Variants in PRKG1 observed in about 807,000 individuals in gnomAD.
PRKG1 encodes the protein cGMP-dependent protein kinase 1.
In PRKG1, 35 loss-of-function variants were observed where a neutral mutation model predicts 88.1. That is an observed-to-expected ratio of 0.40 (90% confidence interval 0.30 to 0.53). The LOEUF (loss-of-function observed/expected upper bound fraction) is 0.53. Ranked by LOEUF, PRKG1 falls within the 20% of genes least tolerant of loss-of-function variation. PRKG1 has a pLI of 0.59. For synonymous variants in PRKG1, 303 were observed against 292.5 expected, an observed-to-expected ratio of 1.04 and a Z score of -0.37; for missense variants, 540 against 839.8, an observed-to-expected ratio of 0.64 and a Z score of 4.41.
intron 1 of PRKG1, among the ~76,000 whole-genome samples, chr10:51,063,087 T>G (rs1394804304): frequency 6.6e-6 from 1 of 152,350 alleles, no homozygotes; most frequent in East Asian, 1.9e-4. Context: ...ATTTTTAACT[T>G]GAAACAAAAT....
intron 9 of PRKG1, among the ~76,000 whole-genome samples, chr10:52,241,106 A>AT (rs1336303448): frequency 2.0e-5 from 3 of 152,164 alleles, no homozygotes; most frequent in African/African-American, 7.2e-5. Flanking sequence ...TATTTCAAAC[A>AT]TCCAAGACGT....
At chr10:51,353,432 A>T (rs2132570437) in intron 2 of PRKG1, among the ~76,000 whole-genome samples, 1 of 152,266 alleles carries the variant, frequency 6.6e-6, no homozygotes, top group African/African-American at 2.4e-5. Flanking sequence ...ATATAGAATG[A>T]GCTCAAACAA....
chr10:51,870,288 G>A (rs1841122864), intron 4 of PRKG1, among the ~76,000 whole-genome samples: 1 of 152,088 alleles, frequency 6.6e-6, no homozygotes, highest in Non-Finnish European at 1.5e-5. Flanking sequence ...GATTTTCAAT[G>A]ATGATCAGGA....
chr10:52,080,205 C>T (rs1179549276), intron 7 of PRKG1, among the ~76,000 whole-genome samples: 1 of 152,156 alleles, frequency 6.6e-6, no homozygotes, highest in Non-Finnish European at 1.5e-5. Context: ...ATATAACATT[C>T]CTTTTGCCTC....
chr10:51,053,296 C>T (rs1358038867), intron 1 of PRKG1, among the ~76,000 whole-genome samples: 1 of 151,374 alleles, frequency 6.6e-6, no homozygotes, highest in Non-Finnish European at 1.5e-5. Context: ...TAATTCTAAG[C>T]ACTAATTACT....
chr10:51,220,098 T>G (rs1799454836), intron 2 of PRKG1, among the ~76,000 whole-genome samples: 1 of 152,166 alleles, frequency 6.6e-6, no homozygotes, highest in African/African-American at 2.4e-5. Flanking sequence ...AAGAAGGATT[T>G]GATGTGCTGT....
chr10:51,425,263 C>G (rs909883417), intron 2 of PRKG1, among the ~76,000 whole-genome samples: 6 of 152,280 alleles, frequency 3.9e-5, no homozygotes, highest in Admixed American at 3.3e-4. Context: ...ATTAATGTTT[C>G]TGATCATTAC....
intron 5 of PRKG1, among the ~76,000 whole-genome samples, chr10:52,030,165 T>A (rs2133208018): frequency 6.6e-6 from 1 of 152,320 alleles, no homozygotes; most frequent in Admixed American, 6.5e-5. Flanking sequence ...TACCATTTGC[T>A]GCCTAAATGG....
chr10:51,516,583 C>T (rs543164725), intron 3 of PRKG1, among the ~76,000 whole-genome samples: 4 of 152,056 alleles, frequency 2.6e-5, no homozygotes, highest in African/African-American at 9.7e-5. Context: ...TGCCTCCTGT[C>T]GCTATCACAG....
At chr10:51,970,544 A>G (rs1388939212) in intron 5 of PRKG1, among the ~76,000 whole-genome samples, 1 of 151,010 alleles carries the variant, frequency 6.6e-6, no homozygotes, top group Non-Finnish European at 1.5e-5. Context: ...CGTATGACTC[A>G]CTCAGCTTCA....
chr10:51,283,220 G>GA (rs149811387), intron 2 of PRKG1, among the ~76,000 whole-genome samples: 2,116 of 146,424 alleles, frequency 0.014, 90 homozygotes, highest in East Asian at 0.081. Context: ...AAACTATAAG[G>GA]AAAAAAAAAC....
chr10:51,266,941 A>G (rs1458836661), intron 2 of PRKG1, among the ~76,000 whole-genome samples: 1 of 152,162 alleles, frequency 6.6e-6, no homozygotes, highest in Non-Finnish European at 1.5e-5. Context: ...TCTGATTTAG[A>G]TATATAAACA....
intron 3 of PRKG1, among the ~76,000 whole-genome samples, chr10:51,724,651 A>C (rs1842088454): frequency 6.6e-6 from 1 of 152,072 alleles, no homozygotes; most frequent in African/African-American, 2.4e-5. Flanking sequence ...TGGCCTCCAA[A>C]AGTGTTGGGA....
chr10:51,879,215 A>G (rs1449413642), intron 4 of PRKG1, among the ~76,000 whole-genome samples: 1 of 152,218 alleles, frequency 6.6e-6, no homozygotes, highest in Admixed American at 6.5e-5. Context: ...AACCTGGACT[A>G]TAATATATTT....
chr10:51,917,943 T>A (rs73335435), intron 5 of PRKG1, among the ~76,000 whole-genome samples: 4,122 of 152,284 alleles, frequency 0.027, 195 homozygotes, highest in African/African-American at 0.094. Context: ...AGATATAAAT[T>A]CCTTAAAAGC....
chr10:51,526,474 G>A (rs1841886431), intron 3 of PRKG1, among the ~76,000 whole-genome samples: 1 of 152,012 alleles, frequency 6.6e-6, no homozygotes, highest in Admixed American at 6.6e-5. Context: ...ATTTGTATTG[G>A]GGCAGAACTG....
chr10:52,017,027 T>C (rs1313098011), intron 5 of PRKG1, among the ~76,000 whole-genome samples: 3 of 152,018 alleles, frequency 2.0e-5, no homozygotes, highest in Admixed American at 1.3e-4. Context: ...ATTCCCTAAG[T>C]AAGAAGTGTG....
intron 9 of PRKG1, among the ~76,000 whole-genome samples, chr10:52,215,356 TGCACTCCA>T (rs940762807): frequency 6.7e-6 from 1 of 149,400 alleles, no homozygotes; most frequent in African/African-American, 2.5e-5. Flanking sequence ...ATCAGGCCAT[TGCACTCCA>T]GCCTGGGCGA....
chr10:52,043,161 G>A (rs1361167185), intron 5 of PRKG1, among the ~76,000 whole-genome samples: 3 of 152,024 alleles, frequency 2.0e-5, no homozygotes, highest in South Asian at 2.1e-4. Flanking sequence ...ACAGTATGGA[G>A]GTTCCTCAAA....
Sources: allele counts gnomAD v4.1 joint callset (sites outside exome capture counted in the v4.1 genomes callset), GRCh38; gene constraint gnomAD v4.1.1; transcripts MANE v1.5; gene names NCBI Gene and HGNC (gene_info 2026-07-23, HGNC 2026-07-21).